LMNA: variants seen among roughly 807,000 people sequenced by gnomAD.
LMNA encodes the protein lamin A/C.
LMNA carries 20 observed loss-of-function variants against 70.4 expected under a neutral mutation model. The ratio of observed to expected loss-of-function variants is 0.28; its 90% CI spans 0.20 to 0.41. LMNA has a LOEUF of 0.41. Ranked by LOEUF, LMNA falls within the 10% of genes least tolerant of loss-of-function variation. The probability of loss-of-function intolerance (pLI) is 1.00; values close to 1 mark genes in which losing one functional copy is unlikely to be tolerated. For missense variants in LMNA, 652 were observed against 917.2 expected (o/e 0.71, Z 3.73); for synonymous variants, 339 against 372.8 (o/e 0.91, Z 1.04).
chr1:156,126,172 T>G, intron 1 of LMNA: 1 of 1,522,578 alleles, frequency 6.6e-7, no homozygotes, highest in Non-Finnish European at 8.8e-7. Context: ...GACCCTCTGC[T>G]CTTCTGCTCC....
intron 3 of LMNA, among the ~76,000 whole-genome samples, chr1:156,093,299 A>G (rs140658943): frequency 0.061 from 6,935 of 113,888 alleles, 261 homozygotes; most frequent in Non-Finnish European, 0.083. Flanking sequence ...TTATATGTCA[A>G]TTTTTTTTTT....
At chr1:156,120,664 G>GACTGCACT (rs1650123949) in intron 1 of LMNA, among the ~76,000 whole-genome samples, 1 of 152,160 alleles carries the variant, frequency 6.6e-6, no homozygotes, top group Non-Finnish European at 1.5e-5. Context: ...TGTGAGCTAT[G>GACTGCACT]ACTGCACTAC....
chr1:156,139,094 C>T lies in LMNA; in HGVS notation c.1983C>T (p.Cys661=). The change falls in exon 12 of 12, where the codon TGC becomes TGT. Residue 661 remains cysteine, a synonymous_variant. Coordinates refer to ENST00000368300, the MANE Select transcript of LMNA (RefSeq NM_170707.4). ...SSPRTQSPQN[C]SIM ...TTCTCTCTTAGAGCCCCCAGAACTG[C>T]AGCATCATGTAATCTGGGACCTGCC... 6.2e-7 allele frequency: 1 copy of T among 1,613,904 alleles called. No homozygotes were observed. The highest frequency in any genetic ancestry group is 1.1e-5 in the South Asian group (1 of 91,072).
At chr1:156,087,077 G>C (rs919047879) in intron 2 of LMNA, among the ~76,000 whole-genome samples, 1 of 152,120 alleles carries the variant, frequency 6.6e-6, no homozygotes, top group Admixed American at 6.6e-5. Context: ...CTGAGGGAGG[G>C]AGACACAGGA....
At chr1:156,107,953 G>T (rs562371826) in intron 3 of LMNA, among the ~76,000 whole-genome samples, 7 of 152,054 alleles carry the variant, frequency 4.6e-5, no homozygotes, top group Non-Finnish European at 1.0e-4. Context: ...TTTTGGTAGA[G>T]ATGGAGTTTT....
chr1:156,095,614 C>T (rs569438020), intron 3 of LMNA, among the ~76,000 whole-genome samples: 2 of 152,000 alleles, frequency 1.3e-5, no homozygotes, highest in Non-Finnish European at 2.9e-5. Flanking sequence ...GCCTCGGCCT[C>T]TCAAAGTGCT....
At position 156,138,049 on chromosome 1, in the gene LMNA, G is replaced by C. The variant is rs1267433877; in HGVS notation, c.1698+306G>C. On this transcript the variant is annotated intron_variant, in intron 10 of 11. Transcript: ENST00000368300. This position sits in a 1 kb window ranked among gnomAD's most constrained non-coding sequence, Gnocchi z 5.5. ...GGGAAAGGGAGGGGAGGACAGACGTGGGGCATGCCCGCCCTGCCTCTCTCC... is the reference window on the plus strand; with the variant it reads ...GGGAAAGGGAGGGGAGGACAGACGTCGGGCATGCCCGCCCTGCCTCTCTCC... 1 of 564,162 alleles carries C rather than the reference G, an allele frequency of 1.8e-6. No homozygotes were observed. The highest frequency in any genetic ancestry group is 1.9e-5 in the African/African-American group (1 of 53,096). 34.9% of individuals were successfully genotyped at this position (564,162 alleles called of 1,614,324 possible).
At position 156,134,556 on chromosome 1, in the gene LMNA, G is replaced by A. The variant is rs761922673; in HGVS notation, c.639+28G>A. On this transcript the variant is annotated intron_variant, in intron 3 of 11. Coordinates refer to ENST00000368300, the MANE Select transcript of LMNA (RefSeq NM_170707.4). The surrounding 1 kb of genome is among the most constrained non-coding windows in gnomAD (Gnocchi z 5.3). The stretch of plus-strand genomic sequence containing the variant: ...GGGGACTGTGCTTTGCAAGCCAGAG[G>A]GCTGGGGCTGGGTGATGACAGACTT... The A allele has an allele frequency of 5.0e-6, 8 of 1,613,164 alleles. No individual in the cohort carries two copies. In the South Asian group the frequency reaches 5.5e-5, roughly 11 times the overall value.
At position 156,135,991 on chromosome 1, in the gene LMNA, C is replaced by A. The variant is rs749784223; in HGVS notation, c.1027C>A (p.Arg343=). The change falls in exon 6 of 12, where the codon CGG becomes AGG. Residue 343 remains arginine (R), a synonymous_variant. Transcript: ENST00000368300. This position sits in a 1 kb window ranked among gnomAD's most constrained non-coding sequence, Gnocchi z 4.8. ...TSRRLLAEKE[R]EMAEMRARMQ... is the part of the protein sequence containing the mutation. ...CCGGCGGCTGCTGGCGGAAAAGGAGCGGGAGATGGCCGAGATGCGGGCAAG... is the reference window on the plus strand; with the variant it reads ...CCGGCGGCTGCTGGCGGAAAAGGAGAGGGAGATGGCCGAGATGCGGGCAAG... The A allele has an allele frequency of 3.7e-6, 6 of 1,613,982 alleles. No homozygotes were observed. The East Asian group carries it at 8.9e-5, about 24-fold the overall frequency.
chr1:156,091,130 A>G (rs989076538), intron 3 of LMNA: 1 of 152,322 alleles, frequency 6.6e-6, no homozygotes, highest in African/African-American at 2.4e-5. Context: ...CGTGGGTCTG[A>G]GCAGCTCCCC....
rs1029775681 is a variant in LMNA, at chr1:156,139,194, G to C, written c.*88G>C. 6.2e-7 allele frequency: 1 copy of C among 1,604,090 alleles called. No homozygotes were observed. Among genetic ancestry groups the C allele is most frequent in the Non-Finnish European group, 8.5e-7 (1 of 1,177,310 alleles). On this transcript the variant is annotated 3_prime_UTR_variant, in exon 12 of 12. Transcript: ENST00000368300. ...ACCCCCTGCCCTGCACGTCATGGGAGGGGGCTTGAAGCCAAAGAAAAATAA... is the reference window on the plus strand; with the variant it reads ...ACCCCCTGCCCTGCACGTCATGGGACGGGGCTTGAAGCCAAAGAAAAATAA...
In LMNA at chr1:156,139,889, T is replaced by G; in HGVS notation, c.*783T>G. On this transcript the variant is annotated 3_prime_UTR_variant, in exon 12 of 12. Transcript: ENST00000368300. ...GCAGTCACTGGAGGTTGAAGCCAAG[T>G]GGGGTGCTGGGAGGAGGGAGAGGGA... 3.5e-6 allele frequency: 5 copies of G among 1,432,666 alleles called. No homozygotes were observed. The highest frequency in any genetic ancestry group is 4.6e-6 in the Non-Finnish European group (5 of 1,089,068). The allele number at this position is 1,432,666 out of a possible 1,614,324, so 88.7% of individuals were successfully genotyped here. A position where few individuals can be genotyped will look rare whatever the true frequency, so the allele number is the denominator to read the frequency against.
chr1:156,139,847 C>G lies in LMNA; in HGVS notation c.*741C>G, dbSNP rs371251854. 6.6e-7 allele frequency: 1 copy of G among 1,514,304 alleles called. No homozygotes were observed. Among genetic ancestry groups the G allele is most frequent in the Non-Finnish European group, 8.8e-7 (1 of 1,136,346 alleles). The allele number at this position is 1,514,304 out of a possible 1,614,324, so 93.8% of individuals were successfully genotyped here. On this transcript the variant is annotated 3_prime_UTR_variant, in exon 12 of 12. Transcript: ENST00000368300. ...TTGAGCTGCCTTCCCTAGCTTTAGA[C>G]CCTGGGTGGGCTCTGTGCAGTCACT...
chr1:156,083,564 A>T (rs1648355122), intron 2 of LMNA: 1 of 152,318 alleles, frequency 6.6e-6, no homozygotes, highest in African/African-American at 2.4e-5. Flanking sequence ...GCACTTCGGG[A>T]GGCAGAGGCG....
chr1:156,082,820 G>A (rs1054566338), intron 1 of LMNA: 7 of 152,082 alleles, frequency 4.6e-5, no homozygotes, highest in African/African-American at 1.4e-4. Flanking sequence ...GAAATGAGGA[G>A]GGGGGGCCGG....
At chr1:156,110,346 T>C (rs1649489078), upstream of LMNA, among the ~76,000 whole-genome samples, 1 of 152,250 alleles carries the variant, frequency 6.6e-6, no homozygotes, top group Non-Finnish European at 1.5e-5. Context: ...TAAATATTTG[T>C]TGAATGAATG....
chr1:156,117,174 C>T (rs187429840), intron 1 of LMNA, among the ~76,000 whole-genome samples: 28 of 151,190 alleles, frequency 1.9e-4, no homozygotes, highest in African/African-American at 6.8e-4. Flanking sequence ...AAATGATCCA[C>T]CTGCCTCGGC....
intron 1 of LMNA, 129 bp from the exon 2 acceptor site, chr1:156,130,488 C>A: frequency 9.7e-7 from 1 of 1,027,920 alleles, no homozygotes; most frequent in Non-Finnish European, 1.5e-6. Context: ...CAACCTAATG[C>A]AAGGATGCCC....
rs1361983417 is a variant in LMNA at position 156,135,098 on chromosome 1, C to T, written c.811-89C>T. 5 of 1,610,494 alleles carry T rather than the reference C, an allele frequency of 3.1e-6. No homozygotes were observed. The highest frequency in any genetic ancestry group is 1.7e-5 in the Admixed American group (1 of 60,020). On this transcript the variant is annotated intron_variant, in intron 4 of 11. Coordinates refer to ENST00000368300, the MANE Select transcript of LMNA (RefSeq NM_170707.4). This position sits in a 1 kb window ranked among gnomAD's most constrained non-coding sequence, Gnocchi z 4.8. Reference sequence around the variant, plus strand: ...GCAGGGAGCTCAGGGTGGCCCAGGACCTGGGGCTGTAGCAGTGATGCCCAA... The same window carrying T: ...GCAGGGAGCTCAGGGTGGCCCAGGATCTGGGGCTGTAGCAGTGATGCCCAA...
Sources: gnomAD v4.1 joint callset for allele counts (sites outside exome capture counted in the v4.1 genomes callset) on GRCh38, gnomAD v4.1.1 for gene constraint, Gnocchi (gnomAD v3.1) non-coding constraint, MANE v1.5 for transcripts, NCBI Gene and HGNC (gene_info 2026-07-23, HGNC 2026-07-21) for gene names.